The following TTC39C variants were observed in gnomAD, a reference collection of about 807,000 sequenced individuals.
TTC39C encodes the protein tetratricopeptide repeat domain 39C.
A neutral mutation model predicts 76.3 loss-of-function variants in TTC39C; 33 were observed. The observed-to-expected ratio is 0.43, with a 90% confidence interval of 0.33 to 0.58. The LOEUF (loss-of-function observed/expected upper bound fraction) is 0.58. TTC39C is among the 20% of genes least tolerant of loss of function. The pLI is 0.04. For synonymous variants in TTC39C, 254 were observed against 260.6 expected (o/e 0.97, Z 0.24); for missense variants, 595 against 701.4 (o/e 0.85, Z 1.71).
intron 1 of TTC39C, among the ~76,000 whole-genome samples, chr18:24,055,279 A>G (rs2084000824): frequency 6.6e-6 from 1 of 152,212 alleles, no homozygotes; most frequent in African/African-American, 2.4e-5. Flanking sequence ...TTGCTAGATC[A>G]TATGGTAATT....
At chr18:24,022,214 A>G (rs1466677965) in intron 1 of TTC39C, among the ~76,000 whole-genome samples, 3 of 152,208 alleles carry the variant, frequency 2.0e-5, no homozygotes, top group Non-Finnish European at 4.4e-5. Flanking sequence ...TCCTGGAACC[A>G]ATCCCCCATG....
chr18:24,075,063 A>T (rs2084286099), intron 4 of TTC39C, among the ~76,000 whole-genome samples: 1 of 151,794 alleles, frequency 6.6e-6, no homozygotes, highest in Admixed American at 6.6e-5. Flanking sequence ...AGAAAACTAA[A>T]CACGCATGTT....
intron 8 of TTC39C, among the ~76,000 whole-genome samples, chr18:24,122,194 A>G (rs1191489738): frequency 1.3e-5 from 2 of 152,032 alleles, no homozygotes; most frequent in Non-Finnish European, 2.9e-5. Context: ...CGAGTACGGG[A>G]CCAACCTACT....
intron 6 of TTC39C, among the ~76,000 whole-genome samples, chr18:24,087,775 G>A (rs2084463661): frequency 2.0e-5 from 3 of 151,902 alleles, no homozygotes; most frequent in Admixed American, 2.0e-4. Flanking sequence ...AGTAGAGATG[G>A]GGTTTCACCA....
intron 1 of TTC39C, among the ~76,000 whole-genome samples, chr18:24,031,291 A>G (rs1039473671): frequency 1.3e-5 from 2 of 149,042 alleles, no homozygotes; most frequent in Admixed American, 6.7e-5. Context: ...CACCTTGCAC[A>G]TAGAAAATTA....
At chr18:24,111,426 A>G (rs2145804589) in intron 6 of TTC39C, among the ~76,000 whole-genome samples, 1 of 151,962 alleles carries the variant, frequency 6.6e-6, no homozygotes, top group South Asian at 2.1e-4. Flanking sequence ...AAAATTAGCC[A>G]GGCGCAGTGG....
rs1226390288 is a variant in TTC39C at position 24,132,671 on chromosome 18, T to G, written c.*97T>G. 1.0e-6 allele frequency: 1 copy of G among 988,076 alleles called. No individual in the cohort carries two copies. Among genetic ancestry groups the G allele is most frequent in the African/African-American group, 1.7e-5 (1 of 60,428 alleles). The allele number at this position is 988,076 out of a possible 1,614,324, so 61.2% of individuals were successfully genotyped here. On this transcript the variant is annotated 3_prime_UTR_variant, in exon 14 of 14. Coordinates refer to ENST00000317571, the MANE Select transcript of TTC39C (RefSeq NM_001135993.2). ...CTCTTGTGAAGATGGGCTTTTCTTC[T>G]GAAAACCACCTGTGCCAGGGACACA...
chr18:24,124,892 TTTTTTG>T (rs1389039054), intron 9 of TTC39C, among the ~76,000 whole-genome samples: 1 of 152,156 alleles, frequency 6.6e-6, no homozygotes, highest in Non-Finnish European at 1.5e-5. Context: ...CACTGCGTCT[TTTTTTG>T]TTTTTGTTTT....
At position 24,090,566 on chromosome 18, in the gene TTC39C, CA is replaced by C. The variant is rs771611704; in HGVS notation, c.984+7486del. 2.0e-4 allele frequency among the ~76,000 whole-genome samples: 30 copies of C among 151,882 alleles called. No homozygotes were observed. In the East Asian group the frequency reaches 2.7e-3, roughly 14 times the overall value. On this transcript the variant is annotated intron_variant, in intron 6 of 13. Coordinates refer to ENST00000317571, the MANE Select transcript of TTC39C (RefSeq NM_001135993.2). ...AATGCAGTGTCTGTCACAATCACAGCATTTTATTTTTTTTTGCAGAGATTAA... is the reference window on the plus strand; with the variant it reads ...AATGCAGTGTCTGTCACAATCACAGCTTTTATTTTTTTTTGCAGAGATTAA...
In TTC39C at chr18:24,107,875, C is replaced by G. The variant is rs1337447593; in HGVS notation, c.985-6679C>G. ...CCCGGCTCAAGCAATCCTCCCACCA[C>G]AGCCTCCCAAGTAGGGGGGGGGGTA... On this transcript the variant is annotated intron_variant, in intron 6 of 13. Coordinates refer to ENST00000317571, the MANE Select transcript of TTC39C (RefSeq NM_001135993.2). 4.1e-5 allele frequency among the ~76,000 whole-genome samples: 5 copies of G among 123,382 alleles called. No homozygotes were observed. The Admixed American group carries it at 4.6e-4, about 11-fold the overall frequency. The allele number at this position is 123,382 out of a possible 152,430, so 80.9% of individuals were successfully genotyped here. A position where few individuals can be genotyped will look rare whatever the true frequency, so the allele number is the denominator to read the frequency against.
intron 1 of TTC39C, among the ~76,000 whole-genome samples, chr18:24,049,186 G>A (rs1021593487): frequency 6.6e-6 from 1 of 152,216 alleles, no homozygotes; most frequent in Non-Finnish European, 1.5e-5. Flanking sequence ...ATGTTCCAGA[G>A]ACTACTCAAA....
At chr18:23,998,857 A>G (rs1599219823) in intron 1 of TTC39C, among the ~76,000 whole-genome samples, 1 of 152,302 alleles carries the variant, frequency 6.6e-6, no homozygotes, top group Admixed American at 6.5e-5. Flanking sequence ...AAACAGTGGT[A>G]AAAATTCCTT....
chr18:24,045,125 C>T (rs1351464866), intron 1 of TTC39C, among the ~76,000 whole-genome samples: 1 of 152,030 alleles, frequency 6.6e-6, no homozygotes, highest in Non-Finnish European at 1.5e-5. Context: ...AAAAATTAGC[C>T]AGACACGGTG....
At chr18:24,062,003 G>T (rs1413339527) in intron 1 of TTC39C, among the ~76,000 whole-genome samples, 1 of 152,242 alleles carries the variant, frequency 6.6e-6, no homozygotes, top group African/African-American at 2.4e-5. Context: ...GTCCTGCAGT[G>T]CATTGTCACG....
At chr18:24,114,479 A>T in intron 6 of TTC39C, 75 bp from the exon 7 acceptor site, 1 of 1,119,578 alleles carries the variant, frequency 8.9e-7, no homozygotes. Context: ...AAGGAAAAAG[A>T]TGCTTTTGAA....
intron 1 of TTC39C, among the ~76,000 whole-genome samples, chr18:24,028,273 A>G (rs1408001490): frequency 6.6e-6 from 1 of 152,156 alleles, no homozygotes; most frequent in African/African-American, 2.4e-5. Context: ...TGTTCTGGAG[A>G]AATTGCCAAT....
chr18:24,000,938 T>A (rs1454014874), intron 1 of TTC39C, among the ~76,000 whole-genome samples: 1 of 152,152 alleles, frequency 6.6e-6, no homozygotes, highest in African/African-American at 2.4e-5. Context: ...GTTAAGCAAC[T>A]TGATCAAGGT....
intron 1 of TTC39C, among the ~76,000 whole-genome samples, chr18:24,057,571 C>T (rs1304662393): frequency 1.3e-5 from 2 of 152,180 alleles, no homozygotes; most frequent in Non-Finnish European, 2.9e-5. Context: ...AGGATATACT[C>T]TTTTGTGTCT....
At chr18:24,023,325 C>T (rs893038643) in intron 1 of TTC39C, among the ~76,000 whole-genome samples, 2 of 152,128 alleles carry the variant, frequency 1.3e-5, no homozygotes, top group East Asian at 3.9e-4. Flanking sequence ...CTTGGAACGT[C>T]CAGGCTGCCC....
Sources: gnomAD v4.1 joint callset for allele counts (sites outside exome capture counted in the v4.1 genomes callset) on GRCh38, gnomAD v4.1.1 for gene constraint, MANE v1.5 for transcripts, NCBI Gene and HGNC (gene_info 2026-07-23, HGNC 2026-07-21) for gene names.